The following PLEKHA7 variants were observed in gnomAD, a reference collection of about 807,000 sequenced individuals.
The protein encoded by PLEKHA7 is pleckstrin homology domain containing A7.
PLEKHA7 carries 104 observed loss-of-function variants against 170.0 expected under a neutral mutation model. The ratio of observed to expected loss-of-function variants is 0.61; its 90% CI spans 0.52 to 0.72. The LOEUF (loss-of-function observed/expected upper bound fraction) is 0.72. Ranked by LOEUF, PLEKHA7 falls within the 30% of genes least tolerant of loss-of-function variation. The pLI is 0.00. For synonymous variants in PLEKHA7, 648 were observed against 660.8 expected (o/e 0.98, Z 0.30); for missense variants, 1,615 against 1,671.7 (o/e 0.97, Z 0.59).
At chr11:16,851,337 C>T (rs1430436878) in intron 7 of PLEKHA7, 46 bp from the exon 8 acceptor site, 3 of 1,434,028 alleles carry the variant, frequency 2.1e-6, no homozygotes, top group Non-Finnish European at 2.9e-6. Context: ...GGCAGTTTCC[C>T]TGGGCTCATC....
At chr11:16,947,600 AAAAG>A (rs200146477) in intron 3 of PLEKHA7, among the ~76,000 whole-genome samples, 45,938 of 146,836 alleles carry the variant, frequency 0.31, 7,570 homozygotes, top group Non-Finnish European at 0.39. Context: ...AAAAAAAAAA[AAAAG>A]AAAGAAAGAA....
chr11:16,855,381 TCTC>T (rs1853352643), intron 5 of PLEKHA7, among the ~76,000 whole-genome samples: 1 of 152,244 alleles, frequency 6.6e-6, no homozygotes, highest in Non-Finnish European at 1.5e-5. Flanking sequence ...ACTCTCCTCC[TCTC>T]CTCAATGCTG....
intron 3 of PLEKHA7, among the ~76,000 whole-genome samples, chr11:17,000,908 C>T (rs1018259985): frequency 6.6e-6 from 1 of 152,196 alleles, no homozygotes; most frequent in Non-Finnish European, 1.5e-5. Context: ...GGCATAGCTC[C>T]CATACACCAC....
intron 3 of PLEKHA7, among the ~76,000 whole-genome samples, chr11:16,933,399 G>C (rs970101449): frequency 1.1e-4 from 16 of 152,214 alleles, no homozygotes; most frequent in Admixed American, 1.0e-3. Context: ...GTACAGGCAG[G>C]AGAGGACAGT....
intron 3 of PLEKHA7, among the ~76,000 whole-genome samples, chr11:17,006,197 C>T (rs530414456): frequency 6.6e-6 from 1 of 152,052 alleles, no homozygotes; most frequent in South Asian, 2.1e-4. Context: ...ATGTGAAACC[C>T]CGTCTCTACT....
chr11:16,946,744 C>T (rs1447000760), intron 3 of PLEKHA7, among the ~76,000 whole-genome samples: 1 of 152,066 alleles, frequency 6.6e-6, no homozygotes, highest in Non-Finnish European at 1.5e-5. Flanking sequence ...TGCTGTGGGT[C>T]TTAATGAGCT....
rs113763742 is a variant in PLEKHA7, at chr11:16,811,111, C to T, written c.2007+2002G>A. On this transcript the variant is annotated intron_variant, in intron 13 of 26. Coordinates refer to ENST00000531066, the MANE Select transcript of PLEKHA7 (RefSeq NM_001329630.2). ...GGCTCAGTTTCTCCCTCTTTAATCC[C>T]GCATAGCTCAAATTCTATGATCTTG... Among the ~76,000 whole-genome samples the T allele has an allele frequency of 3.9e-5, 6 of 152,272 alleles. No homozygotes were observed. In the South Asian group the frequency reaches 6.2e-4, roughly 16 times the overall value.
At chr11:16,994,299 A>G (rs1480599547) in intron 3 of PLEKHA7, among the ~76,000 whole-genome samples, 1 of 152,174 alleles carries the variant, frequency 6.6e-6, no homozygotes, top group East Asian at 1.9e-4. Flanking sequence ...AGTGAGGGCT[A>G]CCTGGAGTTG....
At chr11:16,934,615 C>G (rs1044725210) in intron 3 of PLEKHA7, among the ~76,000 whole-genome samples, 3 of 152,146 alleles carry the variant, frequency 2.0e-5, no homozygotes, top group Non-Finnish European at 2.9e-5. Flanking sequence ...TAGGCTTAAT[C>G]TCCTAATATA....
At chr11:16,830,347 G>A (rs769170261) in intron 9 of PLEKHA7, among the ~76,000 whole-genome samples, 1 of 152,096 alleles carries the variant, frequency 6.6e-6, no homozygotes, top group East Asian at 1.9e-4. Flanking sequence ...AGGCTACTTC[G>A]GAGATGATGA....
intron 3 of PLEKHA7, among the ~76,000 whole-genome samples, chr11:16,952,922 T>A (rs1446161192): frequency 3.3e-5 from 5 of 152,242 alleles, no homozygotes; most frequent in Admixed American, 2.6e-4. Context: ...TAACTAAATT[T>A]AAAAAATTTT....
Position 16,790,816 on chromosome 11 carries a change from G to A in PLEKHA7, c.3034C>T (p.Gln1012Ter). ...GCCTTACCTCTGCCTGGCAGCGTCT[G>A]GTACCTGCTCTCAGGGCCCACAAGT... ...LGLVGPESRY[Q>*]TLPGRGLSGS... Residue 1012 changes from glutamine to a stop codon, truncating the protein, a stop_gained, in exon 21 of 27, where the codon CAG becomes TAG. Coordinates refer to ENST00000531066, the MANE Select transcript of PLEKHA7 (RefSeq NM_001329630.2). LOFTEE classifies it high-confidence loss of function. 6.2e-7 allele frequency: 1 copy of A among 1,608,944 alleles called. No homozygotes were observed. The highest frequency in any genetic ancestry group is 8.5e-7 in the Non-Finnish European group (1 of 1,177,948).
At chr11:16,900,187 ACT>A in intron 3 of PLEKHA7, among the ~76,000 whole-genome samples, 1 of 152,242 alleles carries the variant, frequency 6.6e-6, no homozygotes, top group East Asian at 1.9e-4. Context: ...TGGGAAAATA[ACT>A]CTACACATTT....
chr11:16,828,309 C>T (rs1451872355), intron 9 of PLEKHA7, among the ~76,000 whole-genome samples: 1 of 152,146 alleles, frequency 6.6e-6, no homozygotes, highest in Non-Finnish European at 1.5e-5. Context: ...GTTTTAGAAG[C>T]GTCTTTTCTC....
chr11:16,899,403 A>C (rs1464400769), intron 3 of PLEKHA7, among the ~76,000 whole-genome samples: 1 of 152,200 alleles, frequency 6.6e-6, no homozygotes, highest in Admixed American at 6.5e-5. Flanking sequence ...AGGCTGAGGA[A>C]GGAGAATCGC....
chr11:16,911,477 A>G (rs889485307), intron 3 of PLEKHA7, among the ~76,000 whole-genome samples: 3 of 152,194 alleles, frequency 2.0e-5, no homozygotes, highest in African/African-American at 7.2e-5. Flanking sequence ...TGCATTAGCC[A>G]AAAAGGAGTG....
At chr11:16,900,994 G>A (rs755610477) in intron 3 of PLEKHA7, among the ~76,000 whole-genome samples, 2 of 151,872 alleles carry the variant, frequency 1.3e-5, no homozygotes, top group East Asian at 1.9e-4. Flanking sequence ...ATAGGCGCCC[G>A]CCACCACAGC....
At chr11:16,811,237 C>G (rs1849348898) in intron 13 of PLEKHA7, among the ~76,000 whole-genome samples, 1 of 152,224 alleles carries the variant, frequency 6.6e-6, no homozygotes, top group Non-Finnish European at 1.5e-5. Context: ...TCTCACTGCT[C>G]TTGCTCAGGT....
At chr11:16,852,603 GTCAC>G (rs1853070528) in intron 6 of PLEKHA7, among the ~76,000 whole-genome samples, 1 of 152,116 alleles carries the variant, frequency 6.6e-6, no homozygotes, top group Non-Finnish European at 1.5e-5. Context: ...AATATTATAA[GTCAC>G]TTTCTTCTAG....
Sources: allele counts gnomAD v4.1 joint callset (sites outside exome capture counted in the v4.1 genomes callset), GRCh38; gene constraint gnomAD v4.1.1; transcripts MANE v1.5; gene names NCBI Gene and HGNC (gene_info 2026-07-23, HGNC 2026-07-21).